The following RTF1 variants were observed in gnomAD, a reference collection of about 807,000 sequenced individuals.
RTF1 encodes RNA polymerase-associated protein RTF1 homolog.
RTF1 carries 10 observed loss-of-function variants against 95.7 expected under a neutral mutation model. The observed-to-expected ratio is 0.10, with a 90% CI of 0.06 to 0.18. The LOEUF (loss-of-function observed/expected upper bound fraction) is 0.18, where lower values mean the gene tolerates loss of function less well. Among genes scored for constraint, RTF1 ranks in the 10% least tolerant of loss-of-function variants. RTF1 has a pLI of 1.00. For missense variants in RTF1, 458 were observed against 875.6 expected (o/e 0.52, Z 6.02); for synonymous variants, 305 against 311.8 (o/e 0.98, Z 0.23).
intron 4 of RTF1, among the ~76,000 whole-genome samples, chr15:41,459,478 T>G (rs1469354258): frequency 6.6e-6 from 1 of 152,228 alleles, no homozygotes; most frequent in African/African-American, 2.4e-5. Flanking sequence ...ATCATAAGAT[T>G]GCGTTGGTTT....
At chr15:41,436,036 G>A (rs1380128534) in intron 1 of RTF1, among the ~76,000 whole-genome samples, 1 of 152,086 alleles carries the variant, frequency 6.6e-6, no homozygotes, top group African/African-American at 2.4e-5. Context: ...GCCTGGTGTG[G>A]TGGTTCACAC....
chr15:41,441,582 C>A (rs1363205614), intron 2 of RTF1, among the ~76,000 whole-genome samples: 2 of 152,114 alleles, frequency 1.3e-5, no homozygotes, highest in Non-Finnish European at 2.9e-5. Context: ...TAGAGGAGAT[C>A]CACATCCATA....
rs573758896 is a variant in RTF1 at position 41,417,310 on chromosome 15, T to G, written c.195T>G (p.Asp65Glu). ...ACAGCGGCAGCGACGAGAACCTGGA[T>G]CAGGTGAGGGCAGGCCGCGGAGGCG... ...TEDSGSDENL[D>E]QELLSLAKRK... Residue 65 changes from aspartate to glutamate, a missense_variant, in exon 1 of 18, where the codon GAT becomes GAG. This residue lies in a region of RTF1 where 44 missense variants were observed against 99.5 expected (regional missense o/e 0.44). Transcript: ENST00000389629. 2.4e-6 allele frequency: 3 copies of G among 1,247,484 alleles called. No homozygotes were observed. Among genetic ancestry groups the G allele is most frequent in the Non-Finnish European group, 3.0e-6 (3 of 988,140 alleles). 77.3% of individuals were successfully genotyped at this position (1,247,484 alleles called of 1,614,324 possible). A position where few individuals can be genotyped will look rare whatever the true frequency, so the allele number is the denominator to read the frequency against.
intron 1 of RTF1, among the ~76,000 whole-genome samples, chr15:41,420,873 C>T (rs567802247): frequency 1.3e-5 from 2 of 152,270 alleles, no homozygotes; most frequent in South Asian, 2.1e-4. Context: ...GAGGTCTGGA[C>T]TCTGCATTTG....
At chr15:41,444,974 C>T (rs1440558029) in intron 2 of RTF1, among the ~76,000 whole-genome samples, 1 of 151,974 alleles carries the variant, frequency 6.6e-6, no homozygotes, top group East Asian at 1.9e-4. Context: ...GTCTGTCGCC[C>T]AGGCTGGAGT....
chr15:41,478,441 C>G, intron 14 of RTF1, 107 bp from the exon 15 acceptor site: 16 of 606,840 alleles, frequency 2.6e-5, no homozygotes, highest in Non-Finnish European at 4.1e-5. Flanking sequence ...AGGATAATAG[C>G]TTTTTTTTTT....
chr15:41,417,946 G>A (rs1417892791), intron 1 of RTF1, among the ~76,000 whole-genome samples: 1 of 152,168 alleles, frequency 6.6e-6, no homozygotes, highest in East Asian at 1.9e-4. Context: ...ACACTCTTGG[G>A]TGGAGGAAAG....
At chr15:41,440,966 CTCTTT>C (rs2050730727) in intron 2 of RTF1, among the ~76,000 whole-genome samples, 1 of 138,994 alleles carries the variant, frequency 7.2e-6, no homozygotes, top group Non-Finnish European at 1.6e-5. Context: ...CACTAGTCCC[CTCTTT>C]TTTTTTTTTT....
intron 6 of RTF1, among the ~76,000 whole-genome samples, chr15:41,468,340 C>T (rs376552852): frequency 2.2e-4 from 33 of 149,048 alleles, no homozygotes; most frequent in Admixed American, 9.9e-4. Context: ...TTTTTTGAGA[C>T]GGAGTCTCGC....
chr15:41,458,513 G>A (rs1294550275), intron 4 of RTF1, among the ~76,000 whole-genome samples: 1 of 151,940 alleles, frequency 6.6e-6, no homozygotes, highest in Non-Finnish European at 1.5e-5. Flanking sequence ...TTGGGAGGCC[G>A]AGGTGGACGG....
At chr15:41,419,329 A>G (rs559665586) in intron 1 of RTF1, among the ~76,000 whole-genome samples, 14 of 152,324 alleles carry the variant, frequency 9.2e-5, no homozygotes, top group African/African-American at 3.4e-4. Context: ...AAGTTTTCAC[A>G]TTATGGTAAA....
intron 3 of RTF1, among the ~76,000 whole-genome samples, chr15:41,457,431 G>T (rs2050824696): frequency 1.3e-5 from 2 of 152,020 alleles, no homozygotes; most frequent in Admixed American, 6.6e-5. Context: ...TACTTGGGAG[G>T]CTGAGGCAGG....
chr15:41,445,215 G>A (rs1035412839), intron 2 of RTF1, among the ~76,000 whole-genome samples: 55 of 152,272 alleles, frequency 3.6e-4, no homozygotes, highest in African/African-American at 1.2e-3. Context: ...GATTACAGGC[G>A]TGAGCCACTG....
rs750980762 is a variant in RTF1, at chr15:41,477,204, C to A, written c.1600C>A (p.Gln534Lys). The change falls in exon 13 of 18, where the codon CAA becomes AAA. Residue 534 changes from glutamine (Q) to lysine (K), a missense_variant. Gln to Lys is a moderately conservative substitution (Grantham distance 53). Around this residue, in one of 11 missense-constraint regions of RTF1, gnomAD observed 150 missense variants for 275.7 expected, o/e 0.54. Transcript: ENST00000389629. The stretch of plus-strand genomic sequence containing the variant: ...CCTGGGGGATCAGGACAAGGCCAAA[C>A]AAATCCAAGATCAACTGAATGAGCT... ...EDLGDQDKAK[Q>K]IQDQLNELEE... 7.4e-6 allele frequency: 12 copies of A among 1,614,112 alleles called. No homozygotes were observed. Among genetic ancestry groups the A allele is most frequent in the African/African-American group, 5.3e-5 (4 of 74,936 alleles).
chr15:41,475,484 A>G, intron 9 of RTF1, 41 bp from the exon 10 acceptor site: 1 of 1,535,680 alleles, frequency 6.5e-7, no homozygotes, highest in Non-Finnish European at 9.0e-7. Flanking sequence ...ACTACAGTCA[A>G]CATGCACATT....
chr15:41,442,923 C>T (rs1566840515), intron 2 of RTF1, among the ~76,000 whole-genome samples: 1 of 152,110 alleles, frequency 6.6e-6, no homozygotes, highest in South Asian at 2.1e-4. Flanking sequence ...GGCAATTTTC[C>T]ATCAGAGGAA....
At position 41,430,174 on chromosome 15, in the gene RTF1, ATT is replaced by A. The variant is rs773433000; in HGVS notation, c.199-8126_199-8125del. 2.3e-3 allele frequency among the ~76,000 whole-genome samples: 254 copies of A among 110,240 alleles called. 1 individual carries two copies. The highest frequency in any genetic ancestry group is 8.1e-3 in the African/African-American group (235 of 28,952). The allele number at this position is 110,240 out of a possible 152,430, so 72.3% of individuals were successfully genotyped here. On this transcript the variant is annotated intron_variant, in intron 1 of 17. Coordinates refer to ENST00000389629, the MANE Select transcript of RTF1 (RefSeq NM_015138.5). ...AGGTGCATGCCACCATGTCTGGCTA[ATT>A]TTTTTTTTTTTTTTTTTTTTGAGAC...
chr15:41,480,421 G>C, intron 17 of RTF1, 96 bp downstream of exon 17: 1 of 1,025,190 alleles, frequency 9.8e-7, no homozygotes, highest in Non-Finnish European at 1.5e-6. Flanking sequence ...GAAGAAAGGG[G>C]AATGCTGGCT....
intron 4 of RTF1, among the ~76,000 whole-genome samples, chr15:41,460,382 C>T (rs1009990472): frequency 4.6e-5 from 7 of 152,108 alleles, no homozygotes; most frequent in Non-Finnish European, 8.8e-5. Flanking sequence ...CTCAGCCTCC[C>T]AAAGTGCTGG....
Sources: gnomAD v4.1 joint callset for allele counts (sites outside exome capture counted in the v4.1 genomes callset) on GRCh38, gnomAD v4.1.1 for gene constraint, gnomAD v4.1.1 regional missense constraint, MANE v1.5 for transcripts, NCBI Gene and HGNC (gene_info 2026-07-23, HGNC 2026-07-21) for gene names.